IL16: variants seen among roughly 807,000 people sequenced by gnomAD.
IL16 encodes the protein interleukin 16, also known as pro-interleukin-16.
A neutral mutation model predicts 110.1 loss-of-function variants in IL16; 67 were observed. The observed-to-expected ratio is 0.61, with a 90% CI of 0.50 to 0.75. The LOEUF is 0.75. Among genes scored for constraint, IL16 ranks in the 30% least tolerant of loss-of-function variants. The pLI is 0.00. For missense variants in IL16, 1,545 were observed against 1,655.0 expected (o/e 0.93, Z 1.15); for synonymous variants, 689 against 662.9 (o/e 1.04, Z -0.61).
chr15:81,216,409 C>A (rs1371366628), intron 1 of IL16, among the ~76,000 whole-genome samples: 1 of 152,130 alleles, frequency 6.6e-6, no homozygotes, highest in African/African-American at 2.4e-5. Flanking sequence ...GTTTGGGTAC[C>A]CCTGCAGGGT....
At chr15:81,223,759 T>C (rs2142032252) in intron 1 of IL16, among the ~76,000 whole-genome samples, 1 of 152,382 alleles carries the variant, frequency 6.6e-6, no homozygotes, top group Non-Finnish European at 1.5e-5. Flanking sequence ...TGGCCAGAGC[T>C]GGAGGCCCAG....
chr15:81,295,347 T>C lies in IL16; in HGVS notation c.1903-1581T>C, dbSNP rs1031361129. The C allele has an allele frequency of 5.1e-6, 6 of 1,167,178 alleles. No individual in the cohort carries two copies. The East Asian group carries it at 2.0e-4, about 39-fold the overall frequency. 72.3% of individuals were successfully genotyped at this position (1,167,178 alleles called of 1,614,324 possible). On this transcript the variant is annotated intron_variant, in intron 12 of 18. Coordinates refer to ENST00000683961, the MANE Select transcript of IL16 (RefSeq NM_172217.5). ...TTTATTTCAGGGGCTAATTCTGAAG[T>C]CTCCCATGAAGAGGATGCAATATTG...
intron 1 of IL16, among the ~76,000 whole-genome samples, chr15:81,211,561 T>C (rs992197265): frequency 7.2e-5 from 11 of 152,150 alleles, no homozygotes; most frequent in African/African-American, 1.9e-4. Context: ...CTAGTTTTTG[T>C]ATTTTTAGTA....
At chr15:81,211,497 C>G (rs1389123659) in intron 1 of IL16, among the ~76,000 whole-genome samples, 1 of 152,196 alleles carries the variant, frequency 6.6e-6, no homozygotes. Context: ...GGTGATCCAC[C>G]CACCTCAGCC....
At chr15:81,266,235 T>C (rs1898377186) in intron 4 of IL16, among the ~76,000 whole-genome samples, 1 of 152,230 alleles carries the variant, frequency 6.6e-6, no homozygotes, top group Non-Finnish European at 1.5e-5. Flanking sequence ...AAGTCTGATC[T>C]TTATGACTCT....
rs1895483850 is a variant in IL16, at chr15:81,190,597, T to C, written c.40+7701T>C. On this transcript the variant is annotated intron_variant, in intron 1 of 18. Transcript: ENST00000302987. ...CAACCCTCCAAGTGAATTGTGGAGC[T>C]GGATACTGTGTGGATGGTACTTAGC... is the stretch of plus-strand genomic sequence containing the variant. 2.0e-5 allele frequency among the ~76,000 whole-genome samples: 3 copies of C among 152,184 alleles called. No individual in the cohort carries two copies. In the South Asian group the frequency reaches 6.2e-4, roughly 32 times the overall value.
rs76845751 is a variant in IL16, at chr15:81,230,320, C to T, written c.312+4609C>T. On this transcript the variant is annotated intron_variant, in intron 2 of 18. Coordinates refer to ENST00000683961, the MANE Select transcript of IL16 (RefSeq NM_172217.5). ...AAATGGGAAGAGTATTTTTAAATGC[C>T]CTTTAAGTAGGATGTTAAGGCCAAA... 3.7e-3 allele frequency among the ~76,000 whole-genome samples: 558 copies of T among 152,204 alleles called. 4 individuals are homozygous for T. The highest frequency in any genetic ancestry group is 0.013 in the African/African-American group (531 of 41,536).
chr15:81,223,076 A>C (rs1896673251), intron 1 of IL16, among the ~76,000 whole-genome samples: 1 of 152,194 alleles, frequency 6.6e-6, no homozygotes, highest in African/African-American at 2.4e-5. Context: ...GGATCTGAGC[A>C]TTGATATACT....
chr15:81,290,821 T>A (rs1442679835), intron 11 of IL16, among the ~76,000 whole-genome samples: 1 of 152,206 alleles, frequency 6.6e-6, no homozygotes, highest in African/African-American at 2.4e-5. Flanking sequence ...GTTCCCTTTA[T>A]CCTGTACCAA....
chr15:81,304,037 T>C (rs1441326419), intron 16 of IL16, among the ~76,000 whole-genome samples: 1 of 152,196 alleles, frequency 6.6e-6, no homozygotes, highest in Non-Finnish European at 1.5e-5. Context: ...CAGGGTATCC[T>C]TTGTGTAGGC....
chr15:81,292,929 G>C lies in IL16; in HGVS notation c.1794G>C (p.Lys598Asn). 8 of 1,614,194 alleles carry C rather than the reference G, an allele frequency of 5.0e-6. No individual in the cohort carries two copies. Among genetic ancestry groups the C allele is most frequent in the Non-Finnish European group, 6.8e-6 (8 of 1,180,038 alleles). ...GAAAGCCTATGTCCTCCAAGCCCAAGCCTCCACCCAGAAAATACTTTAAAA... is the reference window on the plus strand; with the variant it reads ...GAAAGCCTATGTCCTCCAAGCCCAACCCTCCACCCAGAAAATACTTTAAAA... ...LVRKPMSSKP[K>N]PPPRKYFKSD... is the part of the protein sequence containing the mutation. The change falls in exon 12 of 19, where the codon AAG becomes AAC. Residue 598 changes from lysine to asparagine, a missense_variant. By Grantham distance (94) the Lys-to-Asn change is moderately conservative. Transcript: ENST00000683961.
intron 17 of IL16, 30 bp from the exon 18 acceptor site, chr15:81,306,390 T>A: frequency 1.2e-6 from 2 of 1,611,858 alleles, no homozygotes; most frequent in Non-Finnish European, 1.7e-6. Flanking sequence ...GAGGAGAGGA[T>A]CCCTAACAGA....
chr15:81,207,154 C>T (rs753859238), intron 1 of IL16, among the ~76,000 whole-genome samples: 4 of 149,588 alleles, frequency 2.7e-5, no homozygotes, highest in African/African-American at 7.4e-5. Context: ...AGGAGAATGG[C>T]GTGAACCTGG....
Position 81,265,689 on chromosome 15 carries a change from A to G in IL16, c.452A>G (p.Asp151Gly), listed in dbSNP as rs563716397. The G allele has an allele frequency of 6.2e-7, 1 of 1,613,914 alleles. No homozygotes were observed. The highest frequency in any genetic ancestry group is 1.3e-5 in the African/African-American group (1 of 75,032). ...SVNPYCTREIDFPMTKKSAAP... is the reference protein window; with the variant it reads ...SVNPYCTREIGFPMTKKSAAP... ...AATCCCTATTGCACAAGAGAAATTG[A>G]TTTTCCAATGACCAAGAAATCTGCA... The change falls in exon 4 of 19, where the codon GAT (aspartate) becomes GGT (glycine). Residue 151 changes from aspartate (D) to glycine (G), a missense_variant. Physicochemically the swap from Asp to Gly is moderately conservative, Grantham distance 94 (BLOSUM62 -1). Around this residue, in one of 3 missense-constraint regions of IL16, gnomAD observed 1,185 missense variants for 1,238.8 expected, o/e 0.96. Transcript: ENST00000683961.
intron 1 of IL16, among the ~76,000 whole-genome samples, chr15:81,221,574 C>A (rs1384996515): frequency 6.6e-6 from 1 of 152,114 alleles, no homozygotes; most frequent in Admixed American, 6.5e-5. Flanking sequence ...TTCAATTATT[C>A]TCTCTCCCTT....
intron 6 of IL16, among the ~76,000 whole-genome samples, chr15:81,275,038 G>A (rs1898832978): frequency 1.3e-5 from 2 of 151,980 alleles, no homozygotes; most frequent in African/African-American, 2.4e-5. Context: ...AAGTGACAGA[G>A]CCTGAGCAGA....
intron 1 of IL16, among the ~76,000 whole-genome samples, chr15:81,202,102 C>T (rs894945824): frequency 6.6e-6 from 1 of 152,188 alleles, no homozygotes; most frequent in African/African-American, 2.4e-5. Flanking sequence ...CCAGAGAACA[C>T]CTTTAAACAT....
At chr15:81,219,401 C>T (rs1896539904) in intron 1 of IL16, among the ~76,000 whole-genome samples, 1 of 151,962 alleles carries the variant, frequency 6.6e-6, no homozygotes, top group Non-Finnish European at 1.5e-5. Context: ...TTATCTAGCT[C>T]CTTCTTGCGA....
Position 81,243,698 on chromosome 15 carries a change from T to C in IL16, c.313-16074T>C, listed in dbSNP as rs150097542. ...CCATCTGACCCTAGAGGTTTATCAT[T>C]TGGAAGTTTTGAAATTACAAATTCA... On this transcript the variant is annotated intron_variant, in intron 2 of 18. Coordinates refer to ENST00000683961, the MANE Select transcript of IL16 (RefSeq NM_172217.5). Among the ~76,000 whole-genome samples, 933 of 152,294 alleles carry C rather than the reference T, an allele frequency of 6.1e-3. 5 individuals are homozygous for C. The highest frequency in any genetic ancestry group is 0.01 in the Non-Finnish European group (691 of 68,014).
Sources: gnomAD v4.1 joint callset for allele counts (sites outside exome capture counted in the v4.1 genomes callset) on GRCh38, gnomAD v4.1.1 for gene constraint, gnomAD v4.1.1 regional missense constraint, MANE v1.5 for transcripts, NCBI Gene and HGNC (gene_info 2026-07-23, HGNC 2026-07-21) for gene names.